The following RBFOX1 variants were observed in gnomAD, a reference collection of about 807,000 sequenced individuals.
The protein encoded by RBFOX1 is RNA binding fox-1 homolog 1.
Under a neutral mutation model 57.7 loss-of-function variants are expected in RBFOX1, and 8 were observed. The ratio of observed to expected loss-of-function variants is 0.14; its 90% confidence interval spans 0.08 to 0.25. The LOEUF is 0.25. RBFOX1 is among the 10% of genes least tolerant of loss of function. The pLI, the probability that RBFOX1 is intolerant of heterozygous loss-of-function variation, is 1.00. For missense variants in RBFOX1, 611 were observed against 548.5 expected (o/e 1.11, Z -1.14); for synonymous variants, 326 against 222.4 (o/e 1.47, Z -4.15).
intron 3 of RBFOX1, among the ~76,000 whole-genome samples, chr16:6,816,973 C>G (rs1246595738): frequency 6.6e-6 from 1 of 151,996 alleles, no homozygotes; most frequent in East Asian, 1.9e-4. Flanking sequence ...GTCTCATACT[C>G]CTGTGCTCAA....
intron 3 of RBFOX1, among the ~76,000 whole-genome samples, chr16:7,007,420 T>A (rs914251193): frequency 6.6e-6 from 1 of 152,208 alleles, no homozygotes; most frequent in Non-Finnish European, 1.5e-5. Flanking sequence ...TTTTCCCCAA[T>A]AATCCAGAGT....
intron 2 of RBFOX1, among the ~76,000 whole-genome samples, chr16:6,359,584 G>A (rs983611140): frequency 5.9e-5 from 9 of 152,148 alleles, no homozygotes; most frequent in Non-Finnish European, 1.3e-4. Flanking sequence ...TTTGCCACTG[G>A]TGTATGGATA....
intron 3 of RBFOX1, among the ~76,000 whole-genome samples, chr16:5,828,427 A>G (rs563694096): frequency 2.0e-5 from 3 of 152,226 alleles, no homozygotes; most frequent in African/African-American, 7.2e-5. Context: ...AAATGCAACC[A>G]CCGGGCTCAC....
chr16:7,645,237 T>C (rs1304569374), intron 11 of RBFOX1, among the ~76,000 whole-genome samples: 1 of 152,172 alleles, frequency 6.6e-6, no homozygotes, highest in Admixed American at 6.5e-5. Flanking sequence ...CATGACGTTA[T>C]GTAAAGAGAT....
intron 2 of RBFOX1, among the ~76,000 whole-genome samples, chr16:6,580,228 A>G (rs946308808): frequency 6.6e-6 from 1 of 152,176 alleles, no homozygotes; most frequent in African/African-American, 2.4e-5. Flanking sequence ...AAGTGCTGGG[A>G]TTACAGGCAT....
At chr16:7,255,062 A>G (rs994504530) in intron 4 of RBFOX1, among the ~76,000 whole-genome samples, 2 of 152,244 alleles carry the variant, frequency 1.3e-5, no homozygotes, top group South Asian at 2.1e-4. Context: ...TTAATATTTT[A>G]TTCATAATAT....
chr16:7,390,357 A>G (rs897756027), intron 4 of RBFOX1, among the ~76,000 whole-genome samples: 46 of 152,316 alleles, frequency 3.0e-4, no homozygotes, highest in African/African-American at 1.1e-3. Context: ...GACTTGATCC[A>G]AATCTGAGAG....
At chr16:6,362,495 C>T (rs1308311882) in intron 2 of RBFOX1, among the ~76,000 whole-genome samples, 1 of 152,198 alleles carries the variant, frequency 6.6e-6, no homozygotes, top group Non-Finnish European at 1.5e-5. Context: ...CGTATGTCAT[C>T]TGTTGGCACT....
chr16:7,068,401 A>T (rs947147737), intron 4 of RBFOX1, among the ~76,000 whole-genome samples: 16 of 152,126 alleles, frequency 1.1e-4, no homozygotes, highest in South Asian at 2.1e-4. Context: ...AGCATTCAGA[A>T]CTACCATCCA....
At chr16:7,037,538 GA>G (rs2044872565) in intron 3 of RBFOX1, among the ~76,000 whole-genome samples, 1 of 152,134 alleles carries the variant, frequency 6.6e-6, no homozygotes, top group Non-Finnish European at 1.5e-5. Context: ...GTCAACTTAT[GA>G]AAAGAAGAAA....
At chr16:6,234,131 C>T (rs1328536927) in intron 1 of RBFOX1, among the ~76,000 whole-genome samples, 1 of 152,218 alleles carries the variant, frequency 6.6e-6, no homozygotes. Flanking sequence ...CCTGTATGAA[C>T]CAGTCACCTC....
intron 3 of RBFOX1, among the ~76,000 whole-genome samples, chr16:5,670,090 C>T (rs1289183354): frequency 6.6e-6 from 1 of 151,902 alleles, no homozygotes; most frequent in Non-Finnish European, 1.5e-5. Context: ...CAAAAGGTCA[C>T]AGACCTTAGG....
chr16:5,979,267 G>C (rs778808491), intron 4 of RBFOX1, among the ~76,000 whole-genome samples: 1 of 152,152 alleles, frequency 6.6e-6, no homozygotes, highest in African/African-American at 2.4e-5. Context: ...TCTGATGAGC[G>C]TGAGAGGTAT....
At chr16:5,368,484 A>G (rs993596558) in intron 1 of RBFOX1, among the ~76,000 whole-genome samples, 2 of 152,230 alleles carry the variant, frequency 1.3e-5, no homozygotes, top group African/African-American at 2.4e-5. Context: ...AGCAAGAGAA[A>G]ATAACATCTA....
intron 14 of RBFOX1, among the ~76,000 whole-genome samples, chr16:7,705,908 G>T (rs148350595): frequency 6.6e-6 from 1 of 152,194 alleles, no homozygotes; most frequent in Admixed American, 6.5e-5. Flanking sequence ...AGATCATCAT[G>T]ATCTGACTGC....
chr16:7,577,897 GA>G (rs2093458124), intron 5 of RBFOX1, among the ~76,000 whole-genome samples: 2 of 152,270 alleles, frequency 1.3e-5, no homozygotes, highest in African/African-American at 4.8e-5. Flanking sequence ...CCAACTCCAA[GA>G]AAACAACAAC....
intron 1 of RBFOX1, among the ~76,000 whole-genome samples, chr16:5,412,563 T>A (rs1482730744): frequency 6.6e-6 from 1 of 152,110 alleles, no homozygotes; most frequent in Non-Finnish European, 1.5e-5. Flanking sequence ...TACAGTGGGA[T>A]GGGCGTGAAG....
chr16:7,150,250 A>G (rs1684155409), intron 4 of RBFOX1, among the ~76,000 whole-genome samples: 1 of 152,224 alleles, frequency 6.6e-6, no homozygotes, highest in South Asian at 2.1e-4. Flanking sequence ...AAGAGGTAAA[A>G]GAGACGCCTC....
intron 4 of RBFOX1, among the ~76,000 whole-genome samples, chr16:7,378,558 C>G (rs2097727472): frequency 6.6e-6 from 1 of 152,200 alleles, no homozygotes; most frequent in African/African-American, 2.4e-5. Context: ...GCAACTCCAG[C>G]CTAGGGATGC....
Sources: gnomAD v4.1 joint callset for allele counts (sites outside exome capture counted in the v4.1 genomes callset) on GRCh38, gnomAD v4.1.1 for gene constraint, MANE v1.5 for transcripts, NCBI Gene and HGNC (gene_info 2026-07-23, HGNC 2026-07-21) for gene names.